Variants in SLC24A2 observed in about 807,000 individuals in gnomAD.
SLC24A2 encodes the protein sodium/potassium/calcium exchanger 2.
In SLC24A2, 36 loss-of-function variants were observed where a neutral mutation model predicts 62.0. The observed-to-expected ratio is 0.58, with a 90% CI of 0.44 to 0.77. SLC24A2 has a LOEUF of 0.77. SLC24A2 is among the 30% of genes least tolerant of loss of function. The pLI is 0.00. For synonymous variants in SLC24A2, 358 were observed against 294.0 expected, an observed-to-expected ratio of 1.22 and a Z score of -2.23; for missense variants, 846 against 817.9, an observed-to-expected ratio of 1.03 and a Z score of -0.42.
the SLC24A2 span, among the ~76,000 whole-genome samples, chr9:20,025,215 C>T: frequency 5.3e-5 from 8 of 152,170 alleles, no homozygotes; most frequent in African/African-American, 1.7e-4. Flanking sequence ...TGAATTGTGT[C>T]CTGCTGTTTG....
chr9:19,563,796 CCCTTCCTTCCTTCCTT>C (rs1181236935), intron 7 of SLC24A2, among the ~76,000 whole-genome samples: 1 of 60,778 alleles, frequency 1.6e-5, no homozygotes, highest in Non-Finnish European at 3.3e-5. Context: ...TTTATAATGA[CCCTTCCTTCCTTCCTT>C]CCTTCCTTCC....
the SLC24A2 span, among the ~76,000 whole-genome samples, chr9:20,129,552 TAAAC>T: frequency 6.6e-6 from 1 of 152,000 alleles, no homozygotes; most frequent in Non-Finnish European, 1.5e-5. Context: ...GATGAACAGA[TAAAC>T]AAATTATGGT....
chr9:19,812,648 G>A, the SLC24A2 span, among the ~76,000 whole-genome samples: 1 of 152,004 alleles, frequency 6.6e-6, no homozygotes, highest in East Asian at 1.9e-4. Flanking sequence ...TACATCTGTT[G>A]TCTAATTTTT....
the SLC24A2 span, among the ~76,000 whole-genome samples, chr9:20,009,383 CAA>C: frequency 2.7e-4 from 30 of 112,348 alleles, no homozygotes; most frequent in African/African-American, 9.0e-4. Flanking sequence ...AACTCTGTCT[CAA>C]AAAAAAAAAA....
the SLC24A2 span, among the ~76,000 whole-genome samples, chr9:19,994,965 C>T: frequency 6.6e-6 from 1 of 152,142 alleles, no homozygotes; most frequent in Non-Finnish European, 1.5e-5. Context: ...TAAAACAACA[C>T]CCTTTACCTT....
At chr9:19,585,283 G>C (rs1004980246) in intron 5 of SLC24A2, among the ~76,000 whole-genome samples, 3 of 151,548 alleles carry the variant, frequency 2.0e-5, no homozygotes, top group African/African-American at 7.3e-5. Context: ...CTTTTATTCT[G>C]TGGGCCCATT....
chr9:19,597,174 A>G lies in SLC24A2; in HGVS notation c.1129+55T>C, dbSNP rs919461452. 3.0e-5 allele frequency: 35 copies of G among 1,157,128 alleles called. 1 individual carries two copies. Among genetic ancestry groups the G allele is most frequent in the Admixed American group, 2.4e-4 (14 of 59,252 alleles). The allele number at this position is 1,157,128 out of a possible 1,614,324, so 71.7% of individuals were successfully genotyped here. A position where few individuals can be genotyped will look rare whatever the true frequency, so the allele number is the denominator to read the frequency against. On this transcript the variant is annotated intron_variant, in intron 5 of 10. Coordinates refer to ENST00000341998, the MANE Select transcript of SLC24A2 (RefSeq NM_020344.4). ...AAAAAGAATAAAAAATGGGCAAGCAACAGACACCATAAATGTAAAAAAGCC... is the reference window on the plus strand; with the variant it reads ...AAAAAGAATAAAAAATGGGCAAGCAGCAGACACCATAAATGTAAAAAAGCC...
the SLC24A2 span, among the ~76,000 whole-genome samples, chr9:19,949,684 A>T: frequency 6.6e-6 from 1 of 152,218 alleles, no homozygotes; most frequent in Non-Finnish European, 1.5e-5. Context: ...TGTCCTCAAA[A>T]GGAAGCTGCT....
chr9:20,042,514 T>C, the SLC24A2 span, among the ~76,000 whole-genome samples: 1 of 152,186 alleles, frequency 6.6e-6, no homozygotes, highest in Non-Finnish European at 1.5e-5. Context: ...GACTGAGTCA[T>C]GGGAGAAAGC....
chr9:20,049,121 T>C, the SLC24A2 span, among the ~76,000 whole-genome samples: 1 of 152,158 alleles, frequency 6.6e-6, no homozygotes, highest in African/African-American at 2.4e-5. Context: ...AGGGCTTGCC[T>C]TGGCTTATCT....
At chr9:20,169,134 G>C in the SLC24A2 span, among the ~76,000 whole-genome samples, 5 of 152,032 alleles carry the variant, frequency 3.3e-5, no homozygotes, top group African/African-American at 1.2e-4. Flanking sequence ...CTTACATGAA[G>C]TATGTAGAAT....
At chr9:20,227,849 A>G in the SLC24A2 span, among the ~76,000 whole-genome samples, 35 of 152,152 alleles carry the variant, frequency 2.3e-4, no homozygotes, top group Non-Finnish European at 4.4e-4. Flanking sequence ...ATATTCAGAG[A>G]CTGGGTAGTC....
chr9:20,135,350 CAATTTAAAATTTTA>C, the SLC24A2 span, among the ~76,000 whole-genome samples: 11 of 117,668 alleles, frequency 9.3e-5, no homozygotes, highest in African/African-American at 2.7e-4. Flanking sequence ...TTTTTAATTA[CAATTTAAAATTTTA>C]ATTTTTAATT....
Position 19,514,289 on chromosome 9 carries a change from T to C in SLC24A2, c.*1864A>G, listed in dbSNP as rs1437769431. On this transcript the variant is annotated 3_prime_UTR_variant, in exon 11 of 11. Coordinates refer to ENST00000341998, the MANE Select transcript of SLC24A2 (RefSeq NM_020344.4). ...CTGTCCTCTTATGTTAAGAGGTATG[T>C]GCTCACAACAAAATCATAGCAGGCG... 6.6e-6 allele frequency: 1 copy of C among 152,186 alleles called. No homozygotes were observed. The highest frequency in any genetic ancestry group is 1.5e-5 in the Non-Finnish European group (1 of 68,038). The allele number at this position is 152,186 out of a possible 1,614,324, so 9.4% of individuals were successfully genotyped here. A position where few individuals can be genotyped will look rare whatever the true frequency, so the allele number is the denominator to read the frequency against.
At chr9:20,299,798 G>C in the SLC24A2 span, among the ~76,000 whole-genome samples, 14 of 152,334 alleles carry the variant, frequency 9.2e-5, no homozygotes, top group Middle Eastern at 3.4e-3. Context: ...CGATGTCACA[G>C]ATATCCATAA....
chr9:20,082,420 T>C, the SLC24A2 span, among the ~76,000 whole-genome samples: 1 of 152,230 alleles, frequency 6.6e-6, no homozygotes, highest in Non-Finnish European at 1.5e-5. Context: ...GTTTATTCAA[T>C]GTCTATTTGC....
intron 2 of SLC24A2, among the ~76,000 whole-genome samples, chr9:19,635,233 T>C (rs997545265): frequency 3.9e-5 from 6 of 152,234 alleles, no homozygotes; most frequent in Admixed American, 6.5e-5. Context: ...CTATTTTCAT[T>C]GTTGGAATTA....
the SLC24A2 span, among the ~76,000 whole-genome samples, chr9:20,052,722 T>C: frequency 2.6e-5 from 4 of 152,196 alleles, no homozygotes; most frequent in African/African-American, 9.7e-5. Context: ...CATCATAAGA[T>C]ATCCTTGGAT....
the SLC24A2 span, among the ~76,000 whole-genome samples, chr9:20,270,244 G>A: frequency 6.6e-6 from 1 of 152,106 alleles, no homozygotes; most frequent in Non-Finnish European, 1.5e-5. Context: ...TGCCACACTG[G>A]GGAATCAAAT....
Sources: allele counts gnomAD v4.1 joint callset (sites outside exome capture counted in the v4.1 genomes callset), GRCh38; gene constraint gnomAD v4.1.1; transcripts MANE v1.5; gene names NCBI Gene and HGNC (gene_info 2026-07-23, HGNC 2026-07-21).